The following EPHA5 variants were observed in gnomAD, a reference collection of about 807,000 sequenced individuals.
EPHA5 encodes ephrin type-A receptor 5.
In EPHA5, 60 loss-of-function variants were observed where a neutral mutation model predicts 105.0. The observed-to-expected ratio is 0.57, with a 90% confidence interval of 0.46 to 0.71. The LOEUF is 0.71. Among genes scored for constraint, EPHA5 ranks in the 30% least tolerant of loss-of-function variants. The pLI, the probability that EPHA5 is intolerant of heterozygous loss-of-function variation, is 0.00. For synonymous variants in EPHA5, 513 were observed against 449.1 expected (o/e 1.14, Z -1.80); for missense variants, 1,218 against 1,274.7 (o/e 0.96, Z 0.68).
chr4:65,590,610 C>T (rs533872786), intron 3 of EPHA5, among the ~76,000 whole-genome samples: 14 of 152,052 alleles, frequency 9.2e-5, no homozygotes, highest in African/African-American at 2.7e-4. Context: ...GTACAATTTC[C>T]GTAAAAGGCA....
chr4:65,492,494 G>A (rs1397163747), intron 4 of EPHA5, among the ~76,000 whole-genome samples: 6 of 134,410 alleles, frequency 4.5e-5, no homozygotes, highest in Non-Finnish European at 6.1e-5. Context: ...GAGCCACCGC[G>A]CCAAGCCAAA....
chr4:65,496,474 G>A (rs1300557444), intron 3 of EPHA5, among the ~76,000 whole-genome samples: 1 of 149,448 alleles, frequency 6.7e-6, no homozygotes, highest in African/African-American at 2.5e-5. Flanking sequence ...GTGAGAACAT[G>A]TGGTGTTTGG....
chr4:65,433,239 G>A (rs964674613), intron 5 of EPHA5, among the ~76,000 whole-genome samples: 3 of 152,134 alleles, frequency 2.0e-5, no homozygotes, highest in African/African-American at 4.8e-5. Flanking sequence ...GTTTCATTGT[G>A]CAGTGAATAC....
At chr4:65,351,832 T>C (rs1722848296) in intron 12 of EPHA5, among the ~76,000 whole-genome samples, 2 of 152,022 alleles carry the variant, frequency 1.3e-5, no homozygotes, top group African/African-American at 2.4e-5. Flanking sequence ...CCAAAAATCT[T>C]ATGTAGTTGC....
At chr4:65,326,298 C>T (rs1720075619) in intron 16 of EPHA5, among the ~76,000 whole-genome samples, 1 of 150,958 alleles carries the variant, frequency 6.6e-6, no homozygotes, top group African/African-American at 2.4e-5. Context: ...ATATCAGGTA[C>T]CTGAAAACCA....
chr4:65,456,977 TC>T (rs1727661068), intron 5 of EPHA5, among the ~76,000 whole-genome samples: 5 of 152,272 alleles, frequency 3.3e-5, no homozygotes, highest in Admixed American at 3.3e-4. Flanking sequence ...ATTATAAATA[TC>T]ATTGTTTTAT....
intron 5 of EPHA5, among the ~76,000 whole-genome samples, chr4:65,478,494 C>G (rs932496707): frequency 6.6e-6 from 1 of 151,748 alleles, no homozygotes; most frequent in African/African-American, 2.4e-5. Context: ...TTTTCTAAAA[C>G]AGGGTCTTCC....
chr4:65,570,486 T>A (rs1740014693), intron 3 of EPHA5, among the ~76,000 whole-genome samples: 1 of 151,602 alleles, frequency 6.6e-6, no homozygotes, highest in South Asian at 2.1e-4. Context: ...CATATACTCA[T>A]GCAAATGTTC....
chr4:65,399,720 T>C (rs887632911), intron 8 of EPHA5, among the ~76,000 whole-genome samples: 1 of 152,228 alleles, frequency 6.6e-6, no homozygotes, highest in Non-Finnish European at 1.5e-5. Flanking sequence ...CTTCTAATTG[T>C]GTATGTGGAC....
intron 3 of EPHA5, among the ~76,000 whole-genome samples, chr4:65,574,677 T>TATGC: frequency 2.8e-5 from 1 of 35,232 alleles, no homozygotes; most frequent in African/African-American, 9.8e-5. Flanking sequence ...CACATATATA[T>TATGC]ACATATATAT....
intron 5 of EPHA5, among the ~76,000 whole-genome samples, chr4:65,432,395 C>T (rs928293826): frequency 2.0e-5 from 3 of 152,016 alleles, no homozygotes; most frequent in African/African-American, 7.2e-5. Context: ...CTTAAAAATA[C>T]TGGAAATAAG....
At chr4:65,590,917 C>G (rs892467033) in intron 3 of EPHA5, among the ~76,000 whole-genome samples, 11 of 152,048 alleles carry the variant, frequency 7.2e-5, no homozygotes, top group Admixed American at 2.6e-4. Flanking sequence ...TGTTTTTACA[C>G]TGTACAAGGT....
At chr4:65,464,707 G>A (rs948480316) in intron 5 of EPHA5, among the ~76,000 whole-genome samples, 2 of 152,054 alleles carry the variant, frequency 1.3e-5, no homozygotes, top group African/African-American at 4.8e-5. Context: ...AAACAAAGTT[G>A]CTTTAGGGTG....
At chr4:65,633,109 A>C (rs1012241247) in intron 2 of EPHA5, among the ~76,000 whole-genome samples, 3 of 152,054 alleles carry the variant, frequency 2.0e-5, no homozygotes, top group African/African-American at 7.2e-5. Context: ...AGCACTGAAC[A>C]ACACAAAAAA....
intron 3 of EPHA5, chr4:65,573,643 T>G: frequency 6.2e-7 from 1 of 1,601,426 alleles, no homozygotes. Flanking sequence ...CGATCTGCCA[T>G]GTATTCCAGA....
In EPHA5 at chr4:65,361,141, A is replaced by G. The variant is rs563083069; in HGVS notation, c.2173+3876T>C. Reference sequence around the variant, plus strand: ...TTCATATTTTAAAACTTGTACTCCAATGTAGAACTGGGAAGTTTTCCTTTA... The same window carrying G: ...TTCATATTTTAAAACTTGTACTCCAGTGTAGAACTGGGAAGTTTTCCTTTA... On this transcript the variant is annotated intron_variant, in intron 11 of 16. Coordinates refer to ENST00000613740, the MANE Select transcript of EPHA5 (RefSeq NM_001281766.3). Among the ~76,000 whole-genome samples, 78 of 151,784 alleles carry G rather than the reference A, an allele frequency of 5.1e-4. 1 individual carries two copies. The highest frequency in any genetic ancestry group is 1.9e-3 in the African/African-American group (77 of 41,490).
intron 6 of EPHA5, among the ~76,000 whole-genome samples, chr4:65,415,884 C>T (rs1398530369): frequency 6.6e-6 from 1 of 152,014 alleles, no homozygotes; most frequent in African/African-American, 2.4e-5. Context: ...TTCCTTTTAA[C>T]AACTGTAAAC....
chr4:65,393,772 A>C (rs1282035866), intron 8 of EPHA5, among the ~76,000 whole-genome samples: 1 of 152,190 alleles, frequency 6.6e-6, no homozygotes, highest in Non-Finnish European at 1.5e-5. Context: ...GCCACTCTAA[A>C]TTATGCCTTC....
At chr4:65,586,866 A>T (rs1185554658) in intron 3 of EPHA5, among the ~76,000 whole-genome samples, 1 of 152,120 alleles carries the variant, frequency 6.6e-6, no homozygotes, top group Admixed American at 6.6e-5. Flanking sequence ...TAATGCATGG[A>T]TATGAATTTT....
Sources: allele counts gnomAD v4.1 joint callset (sites outside exome capture counted in the v4.1 genomes callset), GRCh38; gene constraint gnomAD v4.1.1; transcripts MANE v1.5; gene names NCBI Gene and HGNC (gene_info 2026-07-23, HGNC 2026-07-21).